The following OR3A2 variants were observed in gnomAD, a reference collection of about 807,000 sequenced individuals.
The protein encoded by OR3A2 is olfactory receptor family 3 subfamily A member 2.
For missense variants in OR3A2, 318 were observed against 392.8 expected (o/e 0.81, Z 1.61); for synonymous variants, 126 against 159.3 (o/e 0.79, Z 1.57).
At chr17:3,321,001 C>T (rs1003661527) in intron 3 of OR3A2, among the ~76,000 whole-genome samples, 1 of 152,128 alleles carries the variant, frequency 6.6e-6, no homozygotes, top group Non-Finnish European at 1.5e-5. Flanking sequence ...TTGATTCTTC[C>T]TACCCATGAG....
intron 3 of OR3A2, among the ~76,000 whole-genome samples, chr17:3,306,146 T>G (rs2048998330): frequency 6.9e-6 from 1 of 144,692 alleles, no homozygotes; most frequent in Non-Finnish European, 1.5e-5. Context: ...CTTTTTTGGT[T>G]GTTGTTTGTT....
chr17:3,349,441 T>C (rs1279317105), intron 2 of OR3A2, among the ~76,000 whole-genome samples: 1 of 151,582 alleles, frequency 6.6e-6, no homozygotes, highest in Admixed American at 6.6e-5. Context: ...AAGAAGGCCA[T>C]TACATAATGG....
intron 2 of OR3A2, among the ~76,000 whole-genome samples, chr17:3,353,453 C>T (rs528904431): frequency 8.5e-4 from 129 of 151,866 alleles, no homozygotes; most frequent in African/African-American, 2.8e-3. Flanking sequence ...AGAGGAAAGG[C>T]TTTCAGTTTT....
At position 3,303,665 on chromosome 17, in the gene OR3A2, A is replaced by G. The variant is rs957740456; in HGVS notation, c.-84-24512T>C. ...GAGGCTGAGGCAGGAGGATCGCTTGAACACGGAAGGCAGAGGCTGCAGTGA... is the reference window on the plus strand; with the variant it reads ...GAGGCTGAGGCAGGAGGATCGCTTGGACACGGAAGGCAGAGGCTGCAGTGA... On this transcript the variant is annotated intron_variant, in intron 3 of 4. Transcript: ENST00000573491. Among the ~76,000 whole-genome samples, 5 of 151,602 alleles carry G rather than the reference A, an allele frequency of 3.3e-5. No homozygotes were observed. In the Admixed American group the frequency reaches 3.3e-4, roughly 10 times the overall value.
chr17:3,377,096 C>T (rs1055363987), intron 2 of OR3A2, among the ~76,000 whole-genome samples: 12 of 152,158 alleles, frequency 7.9e-5, no homozygotes, highest in South Asian at 2.1e-4. Context: ...GAGTTTGCAG[C>T]GGCAAGCTGC....
intron 2 of OR3A2, among the ~76,000 whole-genome samples, chr17:3,347,167 G>C (rs953244801): frequency 1.1e-4 from 16 of 152,002 alleles, no homozygotes; most frequent in Non-Finnish European, 2.9e-5. Flanking sequence ...TGGTGTATAA[G>C]GGTTCCCTTT....
At chr17:3,290,817 AGAGT>A (rs2048858652) in intron 3 of OR3A2, among the ~76,000 whole-genome samples, 1 of 152,244 alleles carries the variant, frequency 6.6e-6, no homozygotes, top group African/African-American at 2.4e-5. Flanking sequence ...TTGGAGACTA[AGAGT>A]GAGAGTTTTG....
intron 2 of OR3A2, among the ~76,000 whole-genome samples, chr17:3,354,400 C>G (rs1454232382): frequency 1.3e-5 from 2 of 151,386 alleles, no homozygotes; most frequent in East Asian, 1.9e-4. Context: ...TAGCCTCAAC[C>G]TAAAGAAAAG....
At chr17:3,310,836 G>A (rs1359473998) in intron 3 of OR3A2, 14 of 1,027,320 alleles carry the variant, frequency 1.4e-5, no homozygotes, top group South Asian at 7.4e-5. Flanking sequence ...TGGCCCCAAT[G>A]TGATCAATCA....
chr17:3,344,059 CCACT>C (rs1299690600), intron 2 of OR3A2, among the ~76,000 whole-genome samples: 14 of 152,136 alleles, frequency 9.2e-5, no homozygotes, highest in African/African-American at 2.4e-5. Flanking sequence ...TTTGATTTTT[CCACT>C]CAGTGATATA....
At chr17:3,372,689 C>A (rs560275665) in intron 2 of OR3A2, among the ~76,000 whole-genome samples, 1 of 151,608 alleles carries the variant, frequency 6.6e-6, no homozygotes. Flanking sequence ...TCAGGCGTGG[C>A]GGCGCGCGCC....
chr17:3,291,968 CA>C, intron 3 of OR3A2: 1 of 1,614,184 alleles, frequency 6.2e-7, no homozygotes, highest in Non-Finnish European at 8.5e-7. Context: ...TTATAAAACC[CA>C]CAGCAAAAAG....
intron 3 of OR3A2, among the ~76,000 whole-genome samples, chr17:3,294,986 A>G (rs899989490): frequency 7.2e-5 from 11 of 152,260 alleles, no homozygotes; most frequent in Admixed American, 3.9e-4. Context: ...CTTTTTTAAG[A>G]AACAGACTTC....
At chr17:3,374,507 A>G (rs142952764) in intron 2 of OR3A2, among the ~76,000 whole-genome samples, 2 of 152,236 alleles carry the variant, frequency 1.3e-5, no homozygotes, top group East Asian at 3.9e-4. Flanking sequence ...TGTCTTTGTC[A>G]GATTGTGTTA....
chr17:3,349,657 G>C (rs1400310243), intron 2 of OR3A2, among the ~76,000 whole-genome samples: 1 of 151,678 alleles, frequency 6.6e-6, no homozygotes, highest in Non-Finnish European at 1.5e-5. Flanking sequence ...CCCAGGAATT[G>C]AACTCAGCTC....
chr17:3,311,262 G>A lies in OR3A2; in HGVS notation c.-85+24771C>T, dbSNP rs771599488. The A allele has an allele frequency of 3.7e-6, 2 of 535,178 alleles. No homozygotes were observed. The highest frequency in any genetic ancestry group is 7.7e-6 in the Non-Finnish European group (2 of 260,484). The allele number at this position is 535,178 out of a possible 1,614,324, so 33.2% of individuals were successfully genotyped here. ...TGCTGGCGTGTCTCCAGGCCCACCA[G>A]TGCAGAGTTCCCTATGCTGCCTGCA... On this transcript the variant is annotated intron_variant, in intron 3 of 4. Coordinates refer to the OR3A2 transcript ENST00000573491. The surrounding 1 kb of genome is among the most constrained non-coding windows in gnomAD (Gnocchi z 4.6).
In OR3A2 at chr17:3,324,022, C is replaced by A. The variant is rs569059130; in HGVS notation, c.-85+12011G>T. Among the ~76,000 whole-genome samples, 29 of 152,212 alleles carry A rather than the reference C, an allele frequency of 1.9e-4. 1 individual carries two copies. Among genetic ancestry groups the A allele is most frequent in the African/African-American group, 6.7e-4 (28 of 41,502 alleles). ...ATCAGACATAGATTTGGTCTTTTCA[C>A]GTAGTCCCATATTTCTTGGAGGCTT... On this transcript the variant is annotated intron_variant, in intron 3 of 4. Coordinates refer to the OR3A2 transcript ENST00000573491.
chr17:3,377,814 G>A (rs73309822), intron 2 of OR3A2, among the ~76,000 whole-genome samples: 21,211 of 152,238 alleles, frequency 0.14, 1,797 homozygotes, highest in African/African-American at 0.24. Context: ...CAAGAATGTC[G>A]AGAAATTGGA....
rs543785374 is a variant in OR3A2 at position 3,359,890 on chromosome 17, T to C, written c.-178-23764A>G. Among the ~76,000 whole-genome samples, 19 of 151,954 alleles carry C rather than the reference T, an allele frequency of 1.3e-4. No individual in the cohort carries two copies. The East Asian group carries it at 2.9e-3, about 23-fold the overall frequency. ...GTGCCGCAATAAACATATGTGTGCA[T>C]GTGTCTTTATAGCAGCATGATTTAT... On this transcript the variant is annotated intron_variant, in intron 2 of 4. Transcript: ENST00000573491.
Sources: gnomAD v4.1 joint callset for allele counts (sites outside exome capture counted in the v4.1 genomes callset) on GRCh38, gnomAD v4.1.1 for gene constraint, Gnocchi (gnomAD v3.1) non-coding constraint, MANE v1.5 for transcripts, NCBI Gene and HGNC (gene_info 2026-07-23, HGNC 2026-07-21) for gene names.